Variants in RERE observed in about 807,000 individuals in gnomAD.
The protein encoded by RERE is arginine-glutamic acid dipeptide repeats protein.
A neutral mutation model predicts 146.1 loss-of-function variants in RERE; 40 were observed. The ratio of observed to expected loss-of-function variants is 0.27; its 90% CI spans 0.21 to 0.36. The LOEUF (loss-of-function observed/expected upper bound fraction) is 0.36. RERE is among the 10% of genes least tolerant of loss of function. The pLI is 1.00. For synonymous variants in RERE, 1,003 were observed against 866.0 expected (o/e 1.16, Z -2.78); for missense variants, 1,933 against 2,138.7 (o/e 0.90, Z 1.90).
intron 6 of RERE, among the ~76,000 whole-genome samples, chr1:8,548,162 TCTG>T (rs1344321786): frequency 6.6e-6 from 1 of 152,204 alleles, no homozygotes; most frequent in African/African-American, 2.4e-5. Flanking sequence ...GAGGCATGTA[TCTG>T]CTGATTTGTG....
At chr1:8,428,163 G>A (rs1644043219) in intron 11 of RERE, among the ~76,000 whole-genome samples, 1 of 152,186 alleles carries the variant, frequency 6.6e-6, no homozygotes, top group Admixed American at 6.5e-5. Flanking sequence ...AAGGAGGAAG[G>A]AAATATAGAA....
chr1:8,427,919 G>A (rs958519999), intron 11 of RERE, among the ~76,000 whole-genome samples: 8 of 152,106 alleles, frequency 5.3e-5, no homozygotes, highest in Non-Finnish European at 8.8e-5. Flanking sequence ...TGAAGACCCC[G>A]AAGTTTTTAA....
At chr1:8,457,035 G>GTATCACCTGGCAGAGTGTCAATGCTC (rs1644460705) in intron 11 of RERE, among the ~76,000 whole-genome samples, 4 of 152,170 alleles carry the variant, frequency 2.6e-5, no homozygotes, top group Non-Finnish European at 5.9e-5. Flanking sequence ...GTTCACTGCT[G>GTATCACCTGGCAGAGTGTCAATGCTC]TATCACCTGG....
chr1:8,479,303 T>G (rs1179856798), intron 10 of RERE, among the ~76,000 whole-genome samples: 21 of 151,992 alleles, frequency 1.4e-4, no homozygotes, highest in Non-Finnish European at 2.6e-4. Context: ...TTTTAAATTT[T>G]TTTTAAATTT....
At chr1:8,543,671 G>T (rs1645825457) in intron 6 of RERE, among the ~76,000 whole-genome samples, 1 of 152,160 alleles carries the variant, frequency 6.6e-6, no homozygotes, top group Admixed American at 6.5e-5. Flanking sequence ...CCTGTACATT[G>T]TAGGATATTT....
intron 1 of RERE, among the ~76,000 whole-genome samples, chr1:8,657,720 G>A (rs181407021): frequency 6.3e-4 from 96 of 152,186 alleles, no homozygotes; most frequent in African/African-American, 1.9e-3. Flanking sequence ...AGTGGCACAC[G>A]CCTATAGTCC....
chr1:8,549,394 T>C (rs1318615492), intron 6 of RERE, among the ~76,000 whole-genome samples: 2 of 152,108 alleles, frequency 1.3e-5, no homozygotes, highest in Non-Finnish European at 2.9e-5. Context: ...AAATAATAAA[T>C]TATAACAAAA....
chr1:8,630,248 G>A (rs995844395), intron 2 of RERE, among the ~76,000 whole-genome samples: 2 of 152,072 alleles, frequency 1.3e-5, no homozygotes. Flanking sequence ...CTGGCATACT[G>A]CATGTCCTCC....
chr1:8,614,993 G>T (rs1282010662), intron 3 of RERE, among the ~76,000 whole-genome samples: 1 of 152,236 alleles, frequency 6.6e-6, no homozygotes, highest in African/African-American at 2.4e-5. Flanking sequence ...CCAAAGCACA[G>T]TTAACAGCAA....
intron 1 of RERE, chr1:8,792,543 G>A (rs1641381581): frequency 1.3e-5 from 2 of 152,284 alleles, no homozygotes; most frequent in South Asian, 4.1e-4. Context: ...CGGTGGTTGT[G>A]ACCCGGTGCT....
intron 1 of RERE, among the ~76,000 whole-genome samples, chr1:8,796,033 TTA>T (rs2124583089): frequency 6.7e-6 from 1 of 149,642 alleles, no homozygotes; most frequent in South Asian, 2.1e-4. Flanking sequence ...CATATATAAA[TTA>T]TGTTTTAAAC....
At chr1:8,582,427 T>G (rs548411063) in intron 4 of RERE, among the ~76,000 whole-genome samples, 656 of 151,470 alleles carry the variant, frequency 4.3e-3, no homozygotes, top group East Asian at 0.013. Flanking sequence ...TTTTTTTTTT[T>G]TGGGGGGTAG....
intron 1 of RERE, chr1:8,751,104 A>G: frequency 2.2e-6 from 1 of 464,210 alleles, no homozygotes; most frequent in African/African-American, 2.0e-5. Context: ...TTGACTATCT[A>G]CAATATAAGC....
intron 7 of RERE, among the ~76,000 whole-genome samples, chr1:8,530,679 CTTTTTTTTTTTTT>C (rs1197212764): frequency 4.1e-5 from 4 of 96,950 alleles, no homozygotes; most frequent in Non-Finnish European, 6.1e-5. Context: ...TTTTCGTTTT[CTTTTTTTTTTTTT>C]TTTTTTTTTT....
chr1:8,358,496 A>G lies in RERE; in HGVS notation c.4039T>C (p.Phe1347Leu). The change falls in exon 20 of 23, where the codon TTT becomes CTT. Residue 1347 changes from phenylalanine to leucine, a missense_variant. This residue lies in a region of RERE where 1,255 missense variants were observed against 1,153.8 expected (regional missense o/e 1.09). Transcript: ENST00000400908. Reference protein sequence around the residue: ...LHPAANPMEHFARHSALTIPP... With the variant: ...LHPAANPMEHLARHSALTIPP... ...ATGGTGAGGGCGCTGTGCCGGGCAA[A>G]GTGCTCCATGGGGTTGGCGGCTGGG... The G allele has an allele frequency of 1.3e-6, 2 of 1,588,150 alleles. No individual in the cohort carries two copies. Among genetic ancestry groups the G allele is most frequent in the Non-Finnish European group, 1.7e-6 (2 of 1,167,360 alleles).
chr1:8,650,156 G>A (rs1429345369), intron 2 of RERE, among the ~76,000 whole-genome samples: 1 of 152,162 alleles, frequency 6.6e-6, no homozygotes, highest in East Asian at 1.9e-4. Context: ...AGGTGAAAAA[G>A]ACCTGGTTGT....
At chr1:8,815,251 C>T (rs1012388509) in intron 1 of RERE, among the ~76,000 whole-genome samples, 3 of 152,174 alleles carry the variant, frequency 2.0e-5, no homozygotes, top group African/African-American at 7.2e-5. Flanking sequence ...ACATTGACAG[C>T]TCAATTGCCA....
At chr1:8,590,870 A>ATG (rs1646484138) in intron 4 of RERE, 1 of 152,132 alleles carries the variant, frequency 6.6e-6, no homozygotes, top group African/African-American at 2.4e-5. Flanking sequence ...GAGGGACCAC[A>ATG]CGCCTGCTCT....
intron 10 of RERE, among the ~76,000 whole-genome samples, chr1:8,489,892 T>C (rs1304713946): frequency 1.3e-5 from 2 of 150,564 alleles, no homozygotes; most frequent in Admixed American, 6.6e-5. Flanking sequence ...CTACTAAAAA[T>C]ACAAAAAATT....
Sources: allele counts gnomAD v4.1 joint callset (sites outside exome capture counted in the v4.1 genomes callset), GRCh38; gene constraint gnomAD v4.1.1; regional missense constraint gnomAD v4.1.1; transcripts MANE v1.5; gene names NCBI Gene and HGNC (gene_info 2026-07-23, HGNC 2026-07-21).